The following ZFYVE9 variants were observed in gnomAD, a reference collection of about 807,000 sequenced individuals.
ZFYVE9 encodes zinc finger FYVE-type containing 9.
Under a neutral mutation model 126.7 loss-of-function variants are expected in ZFYVE9, and 43 were observed. That is an observed-to-expected ratio of 0.34 (90% CI 0.27 to 0.44). ZFYVE9 has a LOEUF of 0.44. ZFYVE9 is among the 20% of genes least tolerant of loss of function. The pLI is 1.00. For synonymous variants in ZFYVE9, 521 were observed against 597.4 expected, an observed-to-expected ratio of 0.87 and a Z score of 1.87; for missense variants, 1,476 against 1,697.0, an observed-to-expected ratio of 0.87 and a Z score of 2.29.
intron 13 of ZFYVE9, among the ~76,000 whole-genome samples, chr1:52,304,854 G>T (rs1355505135): frequency 6.6e-6 from 1 of 151,620 alleles, no homozygotes; most frequent in Non-Finnish European, 1.5e-5. Context: ...CTTTTTTCTG[G>T]GATACAACTA....
At chr1:52,250,938 C>G (rs1645438657) in intron 4 of ZFYVE9, among the ~76,000 whole-genome samples, 1 of 152,034 alleles carries the variant, frequency 6.6e-6, no homozygotes, top group Non-Finnish European at 1.5e-5. Flanking sequence ...TTCTGAATGT[C>G]TAGGCACAAG....
intron 1 of ZFYVE9, among the ~76,000 whole-genome samples, chr1:52,182,375 A>C (rs554766574): frequency 2.6e-5 from 4 of 152,000 alleles, no homozygotes; most frequent in African/African-American, 9.7e-5. Flanking sequence ...AGAAGTAGAC[A>C]TGGGAGACTT....
intron 12 of ZFYVE9, among the ~76,000 whole-genome samples, chr1:52,297,242 C>CTTTT (rs767708782): frequency 3.0e-5 from 4 of 134,102 alleles, no homozygotes; most frequent in African/African-American, 8.4e-5. Context: ...AAAAACATTT[C>CTTTT]TTTTTTTTTT....
chr1:52,182,722 C>T (rs886357305), intron 1 of ZFYVE9, among the ~76,000 whole-genome samples: 11 of 150,508 alleles, frequency 7.3e-5, no homozygotes, highest in Admixed American at 3.3e-4. Flanking sequence ...TCCCCCTCTG[C>T]GAGAAACACC....
chr1:52,321,150 C>T (rs1646236482), intron 13 of ZFYVE9, among the ~76,000 whole-genome samples: 1 of 152,118 alleles, frequency 6.6e-6, no homozygotes, highest in Non-Finnish European at 1.5e-5. Flanking sequence ...GAGATTCTTT[C>T]CCACTCTTAA....
chr1:52,166,711 G>A (rs566121129), intron 1 of ZFYVE9, among the ~76,000 whole-genome samples: 4 of 152,092 alleles, frequency 2.6e-5, no homozygotes, highest in Admixed American at 6.6e-5. Context: ...CCAGGAGTTC[G>A]AGACCAGCCT....
At chr1:52,199,694 T>G (rs1189752560) in intron 1 of ZFYVE9, among the ~76,000 whole-genome samples, 1 of 152,250 alleles carries the variant, frequency 6.6e-6, no homozygotes, top group African/African-American at 2.4e-5. Context: ...GTGTAAATAC[T>G]GAGGAGCACG....
chr1:52,235,084 T>C (rs1482253023), intron 3 of ZFYVE9, among the ~76,000 whole-genome samples: 1 of 152,164 alleles, frequency 6.6e-6, no homozygotes, highest in Non-Finnish European at 1.5e-5. Flanking sequence ...AGTTAAAAAA[T>C]AGAGCAATTG....
chr1:52,295,569 C>T (rs1033229052), intron 11 of ZFYVE9, among the ~76,000 whole-genome samples: 1 of 152,010 alleles, frequency 6.6e-6, no homozygotes, highest in Admixed American at 6.6e-5. Flanking sequence ...CCCTAGGTTG[C>T]ACAGGCTGGT....
intron 1 of ZFYVE9, among the ~76,000 whole-genome samples, chr1:52,185,453 T>C (rs1433544073): frequency 6.6e-6 from 1 of 152,202 alleles, no homozygotes; most frequent in Non-Finnish European, 1.5e-5. Context: ...GGAAATGTTA[T>C]TGAGGAATGT....
chr1:52,272,673 C>CTTTTTTTTTTTTTTT lies in ZFYVE9; in HGVS notation c.2626-1785_2626-1771dup, dbSNP rs58857376. 2.4e-4 allele frequency among the ~76,000 whole-genome samples: 29 copies of CTTTTTTTTTTTTTTT among 121,250 alleles called. 1 individual carries two copies. The highest frequency in any genetic ancestry group is 9.1e-4 in the African/African-American group (27 of 29,586). The allele number at this position is 121,250 out of a possible 152,430, so 79.5% of individuals were successfully genotyped here. ...ATGAAATGAAGCTGCTAGAAATAAT[C>CTTTTTTTTTTTTTTT]TTTTTTTTTTTTTTTTTTTTGAGTC... On this transcript the variant is annotated intron_variant, in intron 7 of 18. Coordinates refer to ENST00000287727, the MANE Select transcript of ZFYVE9 (RefSeq NM_004799.4).
At chr1:52,325,827 A>G (rs1363094383) in intron 13 of ZFYVE9, among the ~76,000 whole-genome samples, 1 of 152,242 alleles carries the variant, frequency 6.6e-6, no homozygotes, top group East Asian at 1.9e-4. Flanking sequence ...GTTCAAATCG[A>G]AAGGCTAGTC....
At chr1:52,293,272 A>C (rs1374874821) in intron 10 of ZFYVE9, among the ~76,000 whole-genome samples, 181 bp from the exon 11 acceptor site, 1 of 150,066 alleles carries the variant, frequency 6.7e-6, no homozygotes, top group Non-Finnish European at 1.5e-5. Context: ...CCACCTACTC[A>C]GGAGGCTGAG....
Position 52,239,412 on chromosome 1 carries a change from T to A in ZFYVE9, c.1995T>A (p.Ala665=), listed in dbSNP as rs1194706601. Residue 665 remains alanine (A), a synonymous_variant, in exon 4 of 19, where the codon GCT becomes GCA. Coordinates refer to ENST00000287727, the MANE Select transcript of ZFYVE9 (RefSeq NM_004799.4). ...CCACTAGACCATGCCTTGCATTAGCTCCAGATAGCCCAGATAATGATCTCA... is the reference window on the plus strand; with the variant it reads ...CCACTAGACCATGCCTTGCATTAGCACCAGATAGCCCAGATAATGATCTCA... The part of the protein sequence containing the change: ...EISTRPCLAL[A]PDSPDNDLRA... 6.2e-7 allele frequency: 1 copy of A among 1,614,146 alleles called. No homozygotes were observed. The highest frequency in any genetic ancestry group is 8.5e-7 in the Non-Finnish European group (1 of 1,180,022).
At chr1:52,287,387 A>C (rs1192808831) in intron 10 of ZFYVE9, among the ~76,000 whole-genome samples, 2 of 152,222 alleles carry the variant, frequency 1.3e-5, no homozygotes, top group Admixed American at 6.5e-5. Context: ...TGCTGGGATT[A>C]TAGGTGTGAG....
chr1:52,272,838 T>G (rs1286353875), intron 7 of ZFYVE9, among the ~76,000 whole-genome samples: 4 of 151,942 alleles, frequency 2.6e-5, no homozygotes, highest in Non-Finnish European at 5.9e-5. Flanking sequence ...ATTTTTATAT[T>G]TTTTGTAGAG....
chr1:52,235,439 A>AT (rs147283907), intron 3 of ZFYVE9, among the ~76,000 whole-genome samples: 1 of 151,990 alleles, frequency 6.6e-6, no homozygotes, highest in Non-Finnish European at 1.5e-5. Flanking sequence ...AGCTGTAACT[A>AT]TTTTTTTGTT....
At chr1:52,208,960 C>T (rs1006684643) in intron 1 of ZFYVE9, among the ~76,000 whole-genome samples, 2 of 152,134 alleles carry the variant, frequency 1.3e-5, no homozygotes, top group East Asian at 1.9e-4. Flanking sequence ...GGAAGTTCTT[C>T]GAAAGTAAAT....
intron 1 of ZFYVE9, among the ~76,000 whole-genome samples, chr1:52,173,058 G>A (rs1644588725): frequency 6.6e-6 from 1 of 151,482 alleles, no homozygotes; most frequent in South Asian, 2.1e-4. Context: ...AGTGGTGAGA[G>A]AGGGCATCCC....
Sources: allele counts gnomAD v4.1 joint callset (sites outside exome capture counted in the v4.1 genomes callset), GRCh38; gene constraint gnomAD v4.1.1; transcripts MANE v1.5; gene names NCBI Gene and HGNC (gene_info 2026-07-23, HGNC 2026-07-21).